Variants in SYCP2L observed in about 807,000 individuals in gnomAD.
SYCP2L encodes the protein synaptonemal complex protein 2 like.
SYCP2L carries 98 observed loss-of-function variants against 125.8 expected under a neutral mutation model. That is an observed-to-expected ratio of 0.78 (90% CI 0.66 to 0.92). The LOEUF (loss-of-function observed/expected upper bound fraction) is 0.92, where lower values mean the gene tolerates loss of function less well. Ranked by LOEUF, SYCP2L falls within the 40% of genes least tolerant of loss-of-function variation. The pLI, the probability that SYCP2L is intolerant of heterozygous loss-of-function variation, is 0.00. For synonymous variants in SYCP2L, 317 were observed against 325.4 expected (o/e 0.97, Z 0.28); for missense variants, 842 against 936.4 (o/e 0.90, Z 1.32).
chr6:10,922,517 G>A (rs1780816710), intron 14 of SYCP2L, among the ~76,000 whole-genome samples: 1 of 150,494 alleles, frequency 6.6e-6, no homozygotes, highest in African/African-American at 2.5e-5. Flanking sequence ...CCAGGCTGGA[G>A]TGCAGTGGTG....
chr6:10,940,411 G>A (rs978387340), intron 21 of SYCP2L, among the ~76,000 whole-genome samples: 2 of 152,108 alleles, frequency 1.3e-5, no homozygotes, highest in Admixed American at 1.3e-4. Flanking sequence ...ACAATAGCCA[G>A]GATATGGAAT....
intron 25 of SYCP2L, among the ~76,000 whole-genome samples, 190 bp from the exon 26 acceptor site, chr6:10,958,588 ACTTGTT>A (rs1561701464): frequency 6.6e-6 from 1 of 152,134 alleles, no homozygotes; most frequent in Non-Finnish European, 1.5e-5. Flanking sequence ...TTCTATTTCA[ACTTGTT>A]CTGTATTGGT....
chr6:10,946,055 A>G (rs1481526241), intron 23 of SYCP2L, among the ~76,000 whole-genome samples: 2 of 152,148 alleles, frequency 1.3e-5, no homozygotes, highest in African/African-American at 4.8e-5. Context: ...CTCATTTCAT[A>G]GTATGTCTTT....
At chr6:10,946,886 T>A (rs1183115153) in intron 23 of SYCP2L, among the ~76,000 whole-genome samples, 2 of 152,110 alleles carry the variant, frequency 1.3e-5, no homozygotes, top group Non-Finnish European at 2.9e-5. Context: ...ATGTGACATG[T>A]CTTTCATCAG....
chr6:10,895,683 GA>G (rs1206907940), intron 4 of SYCP2L, among the ~76,000 whole-genome samples: 1 of 152,000 alleles, frequency 6.6e-6, no homozygotes, highest in African/African-American at 2.4e-5. Context: ...TATTCGAAGA[GA>G]AACCTCATCA....
chr6:10,932,603 G>C (rs1781015132), intron 20 of SYCP2L, among the ~76,000 whole-genome samples: 1 of 152,094 alleles, frequency 6.6e-6, no homozygotes. Flanking sequence ...TAAGGAGAGG[G>C]GTGGGTTAAA....
chr6:10,916,472 C>G (rs1057369683), intron 14 of SYCP2L, among the ~76,000 whole-genome samples: 3 of 152,190 alleles, frequency 2.0e-5, no homozygotes, highest in African/African-American at 7.2e-5. Flanking sequence ...GAACTTTCCT[C>G]TTAGCATTGC....
At chr6:10,928,777 A>T (rs1780941343) in intron 18 of SYCP2L, among the ~76,000 whole-genome samples, 4 of 151,888 alleles carry the variant, frequency 2.6e-5, no homozygotes, top group Admixed American at 6.6e-5. Context: ...GACTTAAGAG[A>T]TTCTCCCATT....
chr6:10,903,707 C>T (rs1780431461), intron 8 of SYCP2L, among the ~76,000 whole-genome samples: 1 of 151,930 alleles, frequency 6.6e-6, no homozygotes, highest in African/African-American at 2.4e-5. Context: ...GCTGAGATTG[C>T]ACCACTGCAC....
chr6:10,927,184 T>G, intron 16 of SYCP2L, 56 bp from the exon 17 acceptor site: 4 of 1,598,776 alleles, frequency 2.5e-6, no homozygotes, highest in Non-Finnish European at 3.4e-6. Context: ...AGACCACTGG[T>G]GAGTATGTCA....
At chr6:10,923,528 G>A (rs1167784392) in intron 14 of SYCP2L, among the ~76,000 whole-genome samples, 1 of 150,052 alleles carries the variant, frequency 6.7e-6, no homozygotes, top group African/African-American at 2.5e-5. Flanking sequence ...TGGGATTACA[G>A]GGGTGCACCA....
chr6:10,958,948 G>A, intron 26 of SYCP2L, 73 bp downstream of exon 26: 1 of 1,326,632 alleles, frequency 7.5e-7, no homozygotes, highest in Non-Finnish European at 1.1e-6. Flanking sequence ...CATGACCACT[G>A]TGCTAGGGCC....
chr6:10,900,395 C>T (rs1780357205), intron 6 of SYCP2L, among the ~76,000 whole-genome samples: 1 of 151,420 alleles, frequency 6.6e-6, no homozygotes, highest in South Asian at 2.1e-4. Context: ...ACACTGTTGG[C>T]TCAGACGAGT....
intron 24 of SYCP2L, 24 bp from the exon 25 acceptor site, chr6:10,956,112 C>A (rs1340999570): frequency 1.3e-6 from 2 of 1,567,486 alleles, no homozygotes; most frequent in Admixed American, 1.7e-5. Context: ...TAGTTTTATT[C>A]CATGTTTTGT....
At chr6:10,894,312 T>C in intron 4 of SYCP2L, 108 bp downstream of exon 4, 1 of 1,354,604 alleles carries the variant, frequency 7.4e-7, no homozygotes. Flanking sequence ...AAATCCAATT[T>C]GAAAAGAAAT....
chr6:10,964,428 T>G (rs557144435), intron 29 of SYCP2L, among the ~76,000 whole-genome samples: 77 of 152,252 alleles, frequency 5.1e-4, no homozygotes, highest in African/African-American at 1.6e-3. Flanking sequence ...CCAGAAGTGT[T>G]TCAGATTTCA....
At chr6:10,925,553 C>T (rs1289807200) in intron 15 of SYCP2L, among the ~76,000 whole-genome samples, 1 of 152,168 alleles carries the variant, frequency 6.6e-6, no homozygotes, top group Admixed American at 6.5e-5. Flanking sequence ...GCAAAAAATA[C>T]TGTGGTAATG....
At chr6:10,935,628 G>A (rs145964985) in intron 21 of SYCP2L, among the ~76,000 whole-genome samples, 4 of 152,026 alleles carry the variant, frequency 2.6e-5, no homozygotes, top group Admixed American at 6.5e-5. Flanking sequence ...AGGTTCAAGC[G>A]ATTCTCCTGC....
intron 14 of SYCP2L, among the ~76,000 whole-genome samples, chr6:10,919,259 T>G (rs577515128): frequency 6.6e-6 from 1 of 152,216 alleles, no homozygotes; most frequent in Admixed American, 6.5e-5. Context: ...TTTTGTCCCA[T>G]GGGGTGTGCC....
Sources: allele counts gnomAD v4.1 joint callset (sites outside exome capture counted in the v4.1 genomes callset), GRCh38; gene constraint gnomAD v4.1.1; transcripts MANE v1.5; gene names NCBI Gene and HGNC (gene_info 2026-07-23, HGNC 2026-07-21).